The following OPCML variants were observed in gnomAD, a reference collection of about 807,000 sequenced individuals.
OPCML encodes the protein opioid binding protein/cell adhesion molecule like.
A neutral mutation model predicts 37.8 loss-of-function variants in OPCML; 13 were observed. That is an observed-to-expected ratio of 0.34 (90% confidence interval 0.22 to 0.55). OPCML has a LOEUF of 0.55. OPCML is among the 20% of genes least tolerant of loss of function. OPCML has a pLI of 0.91. For missense variants in OPCML, 341 were observed against 435.6 expected, an observed-to-expected ratio of 0.78 and a Z score of 1.93; for synonymous variants, 176 against 168.8, an observed-to-expected ratio of 1.04 and a Z score of -0.33.
In OPCML at chr11:132,644,184, G is replaced by A. The variant is rs531324587; in HGVS notation, c.379+12903C>T. Among the ~76,000 whole-genome samples the A allele has an allele frequency of 5.3e-4, 81 of 152,164 alleles. No homozygotes were observed. The South Asian group carries it at 0.016, about 30-fold the overall frequency. ...TAATTATTATTTCTATTAAAAGATA[G>A]GGCTTATTTTTTTTCCTACCCTGTC... is the stretch of plus-strand genomic sequence containing the variant. On this transcript the variant is annotated intron_variant, in intron 3 of 7. Transcript: ENST00000524381.
chr11:132,678,282 T>C (rs1942796957), intron 2 of OPCML, among the ~76,000 whole-genome samples: 1 of 152,206 alleles, frequency 6.6e-6, no homozygotes, highest in Non-Finnish European at 1.5e-5. Flanking sequence ...GGAACTCTCC[T>C]TCATTGCCGG....
At chr11:132,673,926 A>C (rs964659291) in intron 2 of OPCML, among the ~76,000 whole-genome samples, 4 of 152,050 alleles carry the variant, frequency 2.6e-5, no homozygotes, top group African/African-American at 9.7e-5. Flanking sequence ...CTCCTAACCC[A>C]CTATTAGCAA....
intron 1 of OPCML, among the ~76,000 whole-genome samples, chr11:133,013,622 G>A (rs915836848): frequency 1.3e-5 from 2 of 152,154 alleles, no homozygotes; most frequent in African/African-American, 4.8e-5. Flanking sequence ...TTAGGAAGAT[G>A]GTCAAAAGTG....
At chr11:132,434,688 A>ATAATGATC (rs2096007505) in intron 7 of OPCML, among the ~76,000 whole-genome samples, 1 of 152,216 alleles carries the variant, frequency 6.6e-6, no homozygotes, top group African/African-American at 2.4e-5. Context: ...TATGATTATA[A>ATAATGATC]TAATGATCCC....
intron 4 of OPCML, among the ~76,000 whole-genome samples, chr11:132,527,916 G>C (rs1488328954): frequency 7.7e-6 from 1 of 130,400 alleles, no homozygotes; most frequent in African/African-American, 2.5e-5. Flanking sequence ...GAAGATGAAG[G>C]CAGAGATCAG....
chr11:132,588,187 A>T (rs1283127717), intron 3 of OPCML, among the ~76,000 whole-genome samples: 2 of 152,116 alleles, frequency 1.3e-5, no homozygotes, highest in Non-Finnish European at 2.9e-5. Context: ...GGCATCAGGT[A>T]AGACTATGTT....
intron 1 of OPCML, among the ~76,000 whole-genome samples, chr11:133,424,416 G>A (rs906918278): frequency 6.6e-6 from 1 of 152,096 alleles, no homozygotes; most frequent in African/African-American, 2.4e-5. Context: ...TTATAACCCT[G>A]AGATAACCAC....
At chr11:132,718,153 C>T (rs769824803) in intron 2 of OPCML, among the ~76,000 whole-genome samples, 3 of 152,136 alleles carry the variant, frequency 2.0e-5, no homozygotes, top group African/African-American at 4.8e-5. Flanking sequence ...ATTTGGTTCA[C>T]ATTCTTTCAC....
chr11:132,523,180 T>C (rs1245446091), intron 4 of OPCML, among the ~76,000 whole-genome samples: 1 of 152,174 alleles, frequency 6.6e-6, no homozygotes, highest in Non-Finnish European at 1.5e-5. Context: ...GTGCTCTGAT[T>C]AAAGGCATGA....
chr11:133,270,284 C>A (rs1941788597), intron 1 of OPCML, among the ~76,000 whole-genome samples: 1 of 152,164 alleles, frequency 6.6e-6, no homozygotes, highest in African/African-American at 2.4e-5. Flanking sequence ...GTGTTTTCTT[C>A]ATGTGTCCTC....
chr11:132,427,813 G>A (rs1231152617), intron 7 of OPCML, among the ~76,000 whole-genome samples: 1 of 152,190 alleles, frequency 6.6e-6, no homozygotes, highest in Admixed American at 6.5e-5. Context: ...AGAGCGAGGA[G>A]GGCGGGGTAC....
chr11:132,589,919 C>G (rs1300611150), intron 3 of OPCML, among the ~76,000 whole-genome samples: 3 of 152,170 alleles, frequency 2.0e-5, no homozygotes, highest in Non-Finnish European at 4.4e-5. Flanking sequence ...GTTTCTGTAG[C>G]TTATTCTTCT....
At chr11:133,383,703 A>G (rs1281392584) in intron 1 of OPCML, among the ~76,000 whole-genome samples, 4 of 152,170 alleles carry the variant, frequency 2.6e-5, no homozygotes, top group Non-Finnish European at 4.4e-5. Context: ...ACAAATAAAC[A>G]TCATTTGAGG....
At position 132,696,970 on chromosome 11, in the gene OPCML, C is replaced by T. The variant is rs138305846; in HGVS notation, c.147-39651G>A. ...CCAAACACTAAGAATAAAGCAACAT[C>T]GTGAACACTTCTAAACAAAAATAAA... On this transcript the variant is annotated intron_variant, in intron 2 of 7. Coordinates refer to ENST00000524381, the MANE Select transcript of OPCML (RefSeq NM_001012393.5). Among the ~76,000 whole-genome samples, 8 of 152,192 alleles carry T rather than the reference C, an allele frequency of 5.3e-5. No homozygotes were observed. In the East Asian group the frequency reaches 1.2e-3, roughly 22 times the overall value.
intron 1 of OPCML, among the ~76,000 whole-genome samples, chr11:133,431,125 C>A (rs1011342110): frequency 6.6e-6 from 1 of 152,124 alleles, no homozygotes; most frequent in South Asian, 2.1e-4. Flanking sequence ...TAATAACTAT[C>A]TCATGCAGTT....
At chr11:132,774,741 CT>C (rs1218923770) in intron 2 of OPCML, among the ~76,000 whole-genome samples, 1 of 152,238 alleles carries the variant, frequency 6.6e-6, no homozygotes, top group African/African-American at 2.4e-5. Context: ...CTCCAGCAGA[CT>C]GTGCCCATCA....
Position 133,331,238 on chromosome 11 carries a change from G to A in OPCML, c.61+201026C>T, listed in dbSNP as rs1415722366. On this transcript the variant is annotated intron_variant, in intron 1 of 7. Transcript: ENST00000524381. Reference sequence around the variant, plus strand: ...CCAAACCCCACTTGCCTGCTGGCCTGGTAAGCTGGTAAGTTGCAAAAGGAG... The same window carrying A: ...CCAAACCCCACTTGCCTGCTGGCCTAGTAAGCTGGTAAGTTGCAAAAGGAG... Among the ~76,000 whole-genome samples, 10 of 152,328 alleles carry A rather than the reference G, an allele frequency of 6.6e-5. No homozygotes were observed. The East Asian group carries it at 1.9e-3, about 29-fold the overall frequency.
chr11:133,493,740 T>C (rs1947718402), intron 1 of OPCML, among the ~76,000 whole-genome samples: 1 of 152,168 alleles, frequency 6.6e-6, no homozygotes, highest in Admixed American at 6.5e-5. Context: ...TTTAAGAGTT[T>C]TTTAATGTTT....
At chr11:132,530,014 C>T (rs2096319890) in intron 3 of OPCML, among the ~76,000 whole-genome samples, 1 of 152,264 alleles carries the variant, frequency 6.6e-6, no homozygotes, top group Non-Finnish European at 1.5e-5. Flanking sequence ...TCCCTTTGAG[C>T]TTTATTCTTC....
Sources: allele counts gnomAD v4.1 joint callset (sites outside exome capture counted in the v4.1 genomes callset), GRCh38; gene constraint gnomAD v4.1.1; transcripts MANE v1.5; gene names NCBI Gene and HGNC (gene_info 2026-07-23, HGNC 2026-07-21).